Variants in FBN2 observed in about 807,000 individuals in gnomAD.
The protein encoded by FBN2 is fibrillin-2.
FBN2 carries 105 observed loss-of-function variants against 355.6 expected under a neutral mutation model. The ratio of observed to expected loss-of-function variants is 0.30; its 90% CI spans 0.25 to 0.35. FBN2 has a LOEUF of 0.35. FBN2 is among the 10% of genes least tolerant of loss of function. The pLI is 1.00. For missense variants in FBN2, 3,280 were observed against 3,758.7 expected (o/e 0.87, Z 3.33); for synonymous variants, 1,350 against 1,301.2 (o/e 1.04, Z -0.81).
chr5:128,529,967 T>TA (rs1756660299), intron 3 of FBN2, among the ~76,000 whole-genome samples: 1 of 152,156 alleles, frequency 6.6e-6, no homozygotes, highest in Non-Finnish European at 1.5e-5. Context: ...AAAGATGTAT[T>TA]AAAAATATAA....
At chr5:128,465,036 C>CAG (rs1754671801) in intron 5 of FBN2, 115 bp from the exon 6 acceptor site, 2 of 1,013,028 alleles carry the variant, frequency 2.0e-6, no homozygotes, top group African/African-American at 3.2e-5. Flanking sequence ...TGTCCAAAGA[C>CAG]AGAAGGCTAG....
chr5:128,518,565 C>A (rs1016093694), intron 5 of FBN2, among the ~76,000 whole-genome samples: 1 of 152,132 alleles, frequency 6.6e-6, no homozygotes, highest in East Asian at 1.9e-4. Flanking sequence ...ACCACCACCC[C>A]CCACTTTGCC....
intron 8 of FBN2, among the ~76,000 whole-genome samples, chr5:128,400,188 A>G (rs1581264800): frequency 1.3e-5 from 2 of 152,108 alleles, no homozygotes. Flanking sequence ...TTGTGATACA[A>G]AACAAACCAG....
intron 5 of FBN2, among the ~76,000 whole-genome samples, chr5:128,472,793 G>GA (rs11348827): frequency 1.7e-3 from 221 of 133,678 alleles, no homozygotes; most frequent in East Asian, 2.2e-3. Flanking sequence ...CTCCGTCTCA[G>GA]AAAAAAAAAA....
intron 11 of FBN2, among the ~76,000 whole-genome samples, chr5:128,383,663 C>A (rs1157766797): frequency 6.6e-6 from 1 of 151,902 alleles, no homozygotes; most frequent in Non-Finnish European, 1.5e-5. Context: ...TGACCCTTTA[C>A]CAAAGAAGTG....
At position 128,480,995 on chromosome 5, in the gene FBN2, A is replaced by T. The variant is rs1002688486; in HGVS notation, c.629-16074T>A. Among the ~76,000 whole-genome samples, 62 of 152,210 alleles carry T rather than the reference A, an allele frequency of 4.1e-4. 1 individual carries two copies. Among genetic ancestry groups the T allele is most frequent in the African/African-American group, 1.4e-3 (56 of 41,452 alleles). The stretch of plus-strand genomic sequence containing the variant: ...GCAAGAAACCACTTAAATGGATAGC[A>T]GGATCCTTCCAAGAAGTAATATACT... On this transcript the variant is annotated intron_variant, in intron 5 of 64. Coordinates refer to ENST00000262464, the MANE Select transcript of FBN2 (RefSeq NM_001999.4).
chr5:128,333,309 G>A (rs914577067), intron 31 of FBN2, among the ~76,000 whole-genome samples: 7 of 152,128 alleles, frequency 4.6e-5, no homozygotes, highest in Admixed American at 4.6e-4. Flanking sequence ...CGGCAGGTAT[G>A]TGTATTATCC....
intron 5 of FBN2, among the ~76,000 whole-genome samples, chr5:128,485,090 C>T (rs1481906260): frequency 6.6e-6 from 1 of 151,644 alleles, no homozygotes; most frequent in Non-Finnish European, 1.5e-5. Flanking sequence ...ATGCAACGAA[C>T]AGGGATCACT....
intron 5 of FBN2, among the ~76,000 whole-genome samples, chr5:128,504,321 G>A (rs1331623036): frequency 6.6e-6 from 1 of 152,136 alleles, no homozygotes; most frequent in African/African-American, 2.4e-5. Context: ...TGTGAGAAGA[G>A]GGCCACCATC....
At chr5:128,417,788 A>G (rs1473600654) in intron 7 of FBN2, among the ~76,000 whole-genome samples, 2 of 152,128 alleles carry the variant, frequency 1.3e-5, no homozygotes, top group African/African-American at 4.8e-5. Context: ...TATATTCATC[A>G]GGAATATTGG....
chr5:128,484,495 CA>C (rs1755283355), intron 5 of FBN2, among the ~76,000 whole-genome samples: 1 of 151,992 alleles, frequency 6.6e-6, no homozygotes, highest in Admixed American at 6.6e-5. Context: ...TTTAGAAAAA[CA>C]GAAAAATATA....
intron 5 of FBN2, among the ~76,000 whole-genome samples, chr5:128,488,029 T>C (rs1415561801): frequency 1.3e-5 from 2 of 152,160 alleles, no homozygotes; most frequent in African/African-American, 2.4e-5. Context: ...AAAATGATAT[T>C]TTATTGAAGT....
chr5:128,289,301 G>A (rs372026677), intron 51 of FBN2, 49 bp from the exon 52 acceptor site: 135 of 1,605,084 alleles, frequency 8.4e-5, no homozygotes, highest in Middle Eastern at 1.7e-4. Context: ...AAGATATGCC[G>A]GCCAGGCGCA....
intron 62 of FBN2, among the ~76,000 whole-genome samples, chr5:128,265,888 T>C (rs1036816824): frequency 1.3e-5 from 2 of 152,242 alleles, no homozygotes; most frequent in African/African-American, 4.8e-5. Flanking sequence ...CTGTTTAAAC[T>C]GTCTGATGCA....
chr5:128,526,447 A>T (rs1229513325), intron 4 of FBN2, among the ~76,000 whole-genome samples: 1 of 152,198 alleles, frequency 6.6e-6, no homozygotes, highest in African/African-American at 2.4e-5. Context: ...CTATTTCAGC[A>T]TTATGCACAA....
intron 5 of FBN2, among the ~76,000 whole-genome samples, chr5:128,492,215 G>T (rs2127127319): frequency 6.6e-6 from 1 of 152,196 alleles, no homozygotes; most frequent in South Asian, 2.1e-4. Flanking sequence ...AACTCTTCTT[G>T]CTCTTCCTTG....
At chr5:128,499,093 A>G (rs1755735394) in intron 5 of FBN2, among the ~76,000 whole-genome samples, 1 of 152,182 alleles carries the variant, frequency 6.6e-6, no homozygotes, top group Non-Finnish European at 1.5e-5. Context: ...TTGGGATTTA[A>G]AAGTATGAGA....
intron 8 of FBN2, among the ~76,000 whole-genome samples, chr5:128,404,185 A>G (rs928601580): frequency 2.0e-5 from 3 of 152,242 alleles, no homozygotes; most frequent in Non-Finnish European, 4.4e-5. Context: ...AATAAATTCA[A>G]TCTGAGAAAA....
At chr5:128,348,907 G>T (rs1015648470) in intron 23 of FBN2, among the ~76,000 whole-genome samples, 1 of 151,924 alleles carries the variant, frequency 6.6e-6, no homozygotes, top group Non-Finnish European at 1.5e-5. Flanking sequence ...ATAAAGGAAG[G>T]ACCAGGATCA....
Sources: allele counts gnomAD v4.1 joint callset (sites outside exome capture counted in the v4.1 genomes callset), GRCh38; gene constraint gnomAD v4.1.1; transcripts MANE v1.5; gene names NCBI Gene and HGNC (gene_info 2026-07-23, HGNC 2026-07-21).